KLHDC10: variants seen among roughly 807,000 people sequenced by gnomAD.
KLHDC10 encodes the protein kelch domain containing 10.
A neutral mutation model predicts 56.1 loss-of-function variants in KLHDC10; 24 were observed. That is an observed-to-expected ratio of 0.43 (90% CI 0.31 to 0.60). The LOEUF is 0.60. Among genes scored for constraint, KLHDC10 ranks in the 20% least tolerant of loss-of-function variants. The pLI is 0.11. For missense variants in KLHDC10, 349 were observed against 567.0 expected (o/e 0.62, Z 3.91); for synonymous variants, 188 against 207.1 (o/e 0.91, Z 0.79).
In KLHDC10 at chr7:130,079,366, T is replaced by A. The variant is rs1160990469; in HGVS notation, c.166+8557T>A. On this transcript the variant is annotated intron_variant, in intron 1 of 9. Coordinates refer to ENST00000335420, the MANE Select transcript of KLHDC10 (RefSeq NM_014997.4). ...AGTCACCATGCCAGGCCTAAAGTAT[T>A]TTTTTTAATAAATACTTTATTTAAA... Among the ~76,000 whole-genome samples, 9 of 152,196 alleles carry A rather than the reference T, an allele frequency of 5.9e-5. No homozygotes were observed. The East Asian group carries it at 1.2e-3, about 20-fold the overall frequency.
chr7:130,102,828 A>G lies in KLHDC10; in HGVS notation c.253+5821A>G, dbSNP rs576695049. On this transcript the variant is annotated intron_variant, in intron 2 of 9. Coordinates refer to ENST00000335420, the MANE Select transcript of KLHDC10 (RefSeq NM_014997.4). ...ACAACAGAGCGAGACACTGTCTCAAAAAACAAAACAAAACAAAACAAAAAA... is the reference window on the plus strand; with the variant it reads ...ACAACAGAGCGAGACACTGTCTCAAGAAACAAAACAAAACAAAACAAAAAA... 5.0e-4 allele frequency among the ~76,000 whole-genome samples: 76 copies of G among 152,190 alleles called. No homozygotes were observed. In the South Asian group the frequency reaches 0.016, roughly 32 times the overall value.
chr7:130,117,867 A>AAAAAAAAG (rs1563104969), intron 3 of KLHDC10, among the ~76,000 whole-genome samples: 3 of 149,070 alleles, frequency 2.0e-5, no homozygotes, highest in Non-Finnish European at 3.0e-5. Flanking sequence ...AAAAAAAAAA[A>AAAAAAAAG]AAAAAAAGAA....
rs983511181 is a variant in KLHDC10, at chr7:130,132,242, C to T, written c.*1496C>T. 1 of 152,198 alleles carries T rather than the reference C, an allele frequency of 6.6e-6. No homozygotes were observed. Among genetic ancestry groups the T allele is most frequent in the Non-Finnish European group, 1.5e-5 (1 of 68,052 alleles). 9.4% of individuals were successfully genotyped at this position (152,198 alleles called of 1,614,324 possible). Reference sequence around the variant, plus strand: ...CCCGGGGCCAACTCACAGCAGGAGACTCGCATGGGAGAGTTGGAACACATC... The same window carrying T: ...CCCGGGGCCAACTCACAGCAGGAGATTCGCATGGGAGAGTTGGAACACATC... On this transcript the variant is annotated 3_prime_UTR_variant, in exon 10 of 10. Transcript: ENST00000335420.
chr7:130,076,765 A>G (rs1241015778), intron 1 of KLHDC10, among the ~76,000 whole-genome samples: 1 of 152,118 alleles, frequency 6.6e-6, no homozygotes, highest in Non-Finnish European at 1.5e-5. Flanking sequence ...CTTAGTTCCT[A>G]CAGTTTGAGG....
At chr7:130,117,867 A>AG (rs1255344908) in intron 3 of KLHDC10, among the ~76,000 whole-genome samples, 11 of 149,070 alleles carry the variant, frequency 7.4e-5, no homozygotes, top group Admixed American at 4.7e-4. Flanking sequence ...AAAAAAAAAA[A>AG]AAAAAAAGAA....
At chr7:130,076,609 C>A (rs909984928) in intron 1 of KLHDC10, among the ~76,000 whole-genome samples, 2 of 152,074 alleles carry the variant, frequency 1.3e-5, no homozygotes, top group African/African-American at 4.8e-5. Flanking sequence ...AAGTTAAATG[C>A]ACTTACCCAC....
At chr7:130,102,969 CATAAAA>C (rs1256135655) in intron 2 of KLHDC10, among the ~76,000 whole-genome samples, 1 of 152,040 alleles carries the variant, frequency 6.6e-6, no homozygotes. Context: ...AGTTACTTTT[CATAAAA>C]ATAAAATAGA....
chr7:130,126,836 A>ACCAG lies in KLHDC10; in HGVS notation c.932-566_932-565insAGCC, dbSNP rs554185537. Among the ~76,000 whole-genome samples the ACCAG allele has an allele frequency of 2.8e-3, 421 of 150,344 alleles. 2 individuals are homozygous for ACCAG. Among genetic ancestry groups the ACCAG allele is most frequent in the Non-Finnish European group, 4.2e-3 (286 of 67,420 alleles). On this transcript the variant is annotated intron_variant, in intron 7 of 9. Coordinates refer to ENST00000335420, the MANE Select transcript of KLHDC10 (RefSeq NM_014997.4). ...GAAATTGGAGCCTAAATAAAGATCTACCGGCTGGGTATGGTGGCTCATGCC... is the reference window on the plus strand; with the variant it reads ...GAAATTGGAGCCTAAATAAAGATCTACCAGCCGGCTGGGTATGGTGGCTCATGCC...
At position 130,070,799 on chromosome 7, in the gene KLHDC10, G is replaced by A; in HGVS notation, c.156G>A (p.Pro52=). 1 of 1,305,984 alleles carries A rather than the reference G, an allele frequency of 7.7e-7. No individual in the cohort carries two copies. 80.9% of individuals were successfully genotyped at this position (1,305,984 alleles called of 1,614,324 possible). A position where few individuals can be genotyped will look rare whatever the true frequency, so the allele number is the denominator to read the frequency against. The change falls in exon 1 of 10, where the codon CCG becomes CCA. Residue 52 remains proline, a synonymous_variant. Transcript: ENST00000335420. The part of the protein sequence containing the change: ...LNRFVQLSGR[P]HLPGKKKIRW... ...GCTTCGTGCAACTCTCCGGGCGGCC[G>A]CACCTGCCAGGTGAGTCGTGGGACA...
chr7:130,085,734 T>C (rs1369009817), intron 1 of KLHDC10, among the ~76,000 whole-genome samples: 1 of 148,574 alleles, frequency 6.7e-6, no homozygotes, highest in Non-Finnish European at 1.5e-5. Flanking sequence ...CTTGGGAGGC[T>C]GAGACATGAG....
chr7:130,108,923 C>G (rs1796060358), intron 2 of KLHDC10, among the ~76,000 whole-genome samples: 1 of 152,088 alleles, frequency 6.6e-6, no homozygotes, highest in South Asian at 2.1e-4. Context: ...TGCTCTCTCT[C>G]TCTTTTTTTG....
intron 1 of KLHDC10, among the ~76,000 whole-genome samples, chr7:130,083,059 C>T (rs1254431829): frequency 6.6e-6 from 1 of 152,224 alleles, no homozygotes; most frequent in Non-Finnish European, 1.5e-5. Context: ...GTCTAACCCA[C>T]ATCTCTCTCT....
chr7:130,110,125 T>A (rs963903095), intron 2 of KLHDC10, among the ~76,000 whole-genome samples: 3 of 152,238 alleles, frequency 2.0e-5, no homozygotes, highest in African/African-American at 4.8e-5. Flanking sequence ...CCCCATTTTC[T>A]CATAGTTACA....
At chr7:130,128,463 C>T (rs1796342267) in intron 8 of KLHDC10, among the ~76,000 whole-genome samples, 1 of 152,128 alleles carries the variant, frequency 6.6e-6, no homozygotes, top group Non-Finnish European at 1.5e-5. Context: ...TACCAGAAAA[C>T]CCACACCTTT....
At chr7:130,104,182 G>C (rs780821091) in intron 2 of KLHDC10, among the ~76,000 whole-genome samples, 2 of 152,208 alleles carry the variant, frequency 1.3e-5, no homozygotes, top group Admixed American at 6.5e-5. Context: ...TCTTTACATT[G>C]AGAAAGCTGA....
chr7:130,082,589 T>C (rs954649667), intron 1 of KLHDC10, among the ~76,000 whole-genome samples: 1 of 152,244 alleles, frequency 6.6e-6, no homozygotes, highest in African/African-American at 2.4e-5. Flanking sequence ...CAGTTTACCA[T>C]ATGAATAACA....
Position 130,131,095 on chromosome 7 carries a change from A to G in KLHDC10, c.*349A>G, listed in dbSNP as rs755050661. On this transcript the variant is annotated 3_prime_UTR_variant, in exon 10 of 10. Coordinates refer to ENST00000335420, the MANE Select transcript of KLHDC10 (RefSeq NM_014997.4). ...GGAATTCTGAATAGTTCCATGTCATACAATATTCTAGAAATTAAAACATCA... is the reference window on the plus strand; with the variant it reads ...GGAATTCTGAATAGTTCCATGTCATGCAATATTCTAGAAATTAAAACATCA... The G allele has an allele frequency of 1.0e-4, 18 of 171,446 alleles. No homozygotes were observed. Among genetic ancestry groups the G allele is most frequent in the Non-Finnish European group, 2.5e-5 (2 of 80,098 alleles). The allele number at this position is 171,446 out of a possible 1,614,324, so 10.6% of individuals were successfully genotyped here.
intron 1 of KLHDC10, among the ~76,000 whole-genome samples, chr7:130,080,370 C>T (rs1365481297): frequency 6.6e-6 from 1 of 152,090 alleles, no homozygotes; most frequent in East Asian, 1.9e-4. Flanking sequence ...AGCTCTTAGA[C>T]AATTATATTG....
chr7:130,130,161 C>CA lies in KLHDC10; in HGVS notation c.1120-367dup, dbSNP rs1047182450. Among the ~76,000 whole-genome samples the CA allele has an allele frequency of 2.0e-5, 3 of 150,284 alleles. No individual in the cohort carries two copies. The highest frequency in any genetic ancestry group is 4.9e-5 in the African/African-American group (2 of 40,940). Reference sequence around the variant, plus strand: ...TGAAACCCCATCTCTACTAAAAATACAAAAAAAAATTAGCCGGACGTGGTG... The same window carrying CA: ...TGAAACCCCATCTCTACTAAAAATACAAAAAAAAAATTAGCCGGACGTGGTG... On this transcript the variant is annotated intron_variant, in intron 9 of 9. Transcript: ENST00000335420. This position sits in a 1 kb window ranked among gnomAD's most constrained non-coding sequence, Gnocchi z 4.2.
Sources: gnomAD v4.1 joint callset for allele counts (sites outside exome capture counted in the v4.1 genomes callset) on GRCh38, gnomAD v4.1.1 for gene constraint, Gnocchi (gnomAD v3.1) non-coding constraint, MANE v1.5 for transcripts, NCBI Gene and HGNC (gene_info 2026-07-23, HGNC 2026-07-21) for gene names.